The following NRG3 variants were observed in gnomAD, a reference collection of about 807,000 sequenced individuals.
NRG3 encodes the protein neuregulin 3, also known as pro-neuregulin-3, membrane-bound isoform.
NRG3 carries 31 observed loss-of-function variants against 66.9 expected under a neutral mutation model. The observed-to-expected ratio is 0.46, with a 90% CI of 0.35 to 0.63. The LOEUF (loss-of-function observed/expected upper bound fraction) is 0.63, where lower values mean the gene tolerates loss of function less well. Among genes scored for constraint, NRG3 ranks in the 20% least tolerant of loss-of-function variants. The probability of loss-of-function intolerance (pLI) is 0.00; values close to 1 mark genes in which losing one functional copy is unlikely to be tolerated. For synonymous variants in NRG3, 393 were observed against 359.4 expected (o/e 1.09, Z -1.06); for missense variants, 910 against 878.9 (o/e 1.04, Z -0.45).
intron 3 of NRG3, among the ~76,000 whole-genome samples, chr10:82,828,106 G>A (rs1463793284): frequency 1.3e-5 from 2 of 152,010 alleles, no homozygotes; most frequent in Admixed American, 6.6e-5. Context: ...GAGCTGTTCC[G>A]AGACCCACTA....
intron 2 of NRG3, among the ~76,000 whole-genome samples, chr10:82,460,712 G>A (rs1235986368): frequency 2.0e-5 from 3 of 152,144 alleles, no homozygotes; most frequent in Non-Finnish European, 2.9e-5. Context: ...TTCCAAGGGA[G>A]CACAGATATG....
intron 1 of NRG3, among the ~76,000 whole-genome samples, chr10:82,055,047 A>G (rs558625463): frequency 1.4e-5 from 2 of 141,268 alleles, no homozygotes; most frequent in East Asian, 3.9e-4. Context: ...GAAAGGAAAG[A>G]AGGGAAAAGA....
At chr10:82,857,374 C>T (rs1037556105) in intron 3 of NRG3, among the ~76,000 whole-genome samples, 6 of 152,138 alleles carry the variant, frequency 3.9e-5, no homozygotes, top group African/African-American at 1.4e-4. Context: ...AGAAAGGAGA[C>T]TGGGGCTGTG....
At chr10:82,216,873 G>A (rs1318516701) in intron 1 of NRG3, among the ~76,000 whole-genome samples, 2 of 151,888 alleles carry the variant, frequency 1.3e-5, no homozygotes, top group African/African-American at 2.4e-5. Flanking sequence ...TTTTAAATTA[G>A]CAAATTAATG....
chr10:82,632,829 A>G (rs1428390315), intron 2 of NRG3, among the ~76,000 whole-genome samples: 1 of 152,158 alleles, frequency 6.6e-6, no homozygotes, highest in African/African-American at 2.4e-5. Context: ...TTAATACCCC[A>G]TTAACTCAGC....
At chr10:82,178,174 C>A (rs748292658) in intron 1 of NRG3, among the ~76,000 whole-genome samples, 1 of 151,982 alleles carries the variant, frequency 6.6e-6, no homozygotes, top group Non-Finnish European at 1.5e-5. Context: ...CCAAAACGCC[C>A]TCACACATAA....
chr10:82,095,938 G>A (rs966220324), intron 1 of NRG3, among the ~76,000 whole-genome samples: 2 of 152,102 alleles, frequency 1.3e-5, no homozygotes, highest in Non-Finnish European at 2.9e-5. Flanking sequence ...GCTGGTAGGG[G>A]AAAACAAATA....
intron 2 of NRG3, among the ~76,000 whole-genome samples, chr10:82,426,931 A>T (rs534171394): frequency 6.6e-6 from 1 of 152,214 alleles, no homozygotes; most frequent in Non-Finnish European, 1.5e-5. Context: ...GATTACAGGC[A>T]TAAGCCACTG....
At chr10:82,205,405 C>T (rs969403841) in intron 1 of NRG3, among the ~76,000 whole-genome samples, 1 of 152,106 alleles carries the variant, frequency 6.6e-6, no homozygotes, top group African/African-American at 2.4e-5. Flanking sequence ...AGAGATGTTT[C>T]ATGGAGAAAA....
chr10:82,589,079 C>T (rs1050827223), intron 2 of NRG3, among the ~76,000 whole-genome samples: 1 of 152,096 alleles, frequency 6.6e-6, no homozygotes, highest in African/African-American at 2.4e-5. Flanking sequence ...CTGCGTTACC[C>T]CAGTGCTTTC....
At chr10:82,536,917 A>G (rs1452563824) in intron 2 of NRG3, among the ~76,000 whole-genome samples, 2 of 151,560 alleles carry the variant, frequency 1.3e-5, no homozygotes, top group African/African-American at 4.8e-5. Context: ...TAAATGAAGA[A>G]TGAGGATTTA....
chr10:81,934,851 G>A (rs1470493337), intron 1 of NRG3, among the ~76,000 whole-genome samples: 2 of 152,120 alleles, frequency 1.3e-5, no homozygotes, highest in Non-Finnish European at 1.5e-5. Context: ...TATAGGTAAT[G>A]TTTTTGTATC....
At chr10:82,408,874 A>C (rs903493495) in intron 2 of NRG3, among the ~76,000 whole-genome samples, 1 of 152,018 alleles carries the variant, frequency 6.6e-6, no homozygotes, top group Admixed American at 6.6e-5. Flanking sequence ...CAGAATAGGA[A>C]ATCTATAAGT....
chr10:82,317,168 G>A (rs1657535661), intron 1 of NRG3, among the ~76,000 whole-genome samples: 1 of 151,660 alleles, frequency 6.6e-6, no homozygotes, highest in Admixed American at 6.6e-5. Context: ...ACAGAAGACA[G>A]AGATTTCAAA....
At chr10:82,398,728 G>A (rs187996994) in intron 2 of NRG3, among the ~76,000 whole-genome samples, 2 of 152,200 alleles carry the variant, frequency 1.3e-5, no homozygotes, top group Admixed American at 6.5e-5. Context: ...GCAAAGCAAG[G>A]GTGAGTGGAA....
intron 1 of NRG3, among the ~76,000 whole-genome samples, chr10:82,194,025 G>T (rs1465013871): frequency 6.6e-6 from 1 of 152,132 alleles, no homozygotes; most frequent in African/African-American, 2.4e-5. Context: ...TGCTAGTCAG[G>T]TTGAAGGAAA....
chr10:81,997,461 C>T (rs1290508153), intron 1 of NRG3, among the ~76,000 whole-genome samples: 1 of 152,200 alleles, frequency 6.6e-6, no homozygotes, highest in East Asian at 1.9e-4. Flanking sequence ...AGTTGTTCTC[C>T]TTTTAACATG....
chr10:82,028,199 A>G (rs1405526446), intron 1 of NRG3, among the ~76,000 whole-genome samples: 1 of 152,104 alleles, frequency 6.6e-6, no homozygotes, highest in African/African-American at 2.4e-5. Context: ...ATTATCTTGT[A>G]AACATGAACA....
intron 2 of NRG3, among the ~76,000 whole-genome samples, chr10:82,733,637 A>G (rs1354075090): frequency 2.0e-5 from 3 of 152,338 alleles, no homozygotes; most frequent in East Asian, 3.9e-4. Flanking sequence ...CAATGAGTAA[A>G]TGACCAGGAA....
Sources: allele counts gnomAD v4.1 joint callset (sites outside exome capture counted in the v4.1 genomes callset), GRCh38; gene constraint gnomAD v4.1.1; transcripts MANE v1.5; gene names NCBI Gene and HGNC (gene_info 2026-07-23, HGNC 2026-07-21).